The following TTC6 variants were observed in gnomAD, a reference collection of about 807,000 sequenced individuals.
The protein encoded by TTC6 is tetratricopeptide repeat domain 6.
Under a neutral mutation model 210.4 loss-of-function variants are expected in TTC6, and 172 were observed. The observed-to-expected ratio is 0.82, with a 90% confidence interval of 0.72 to 0.93. The LOEUF is 0.93. Ranked by LOEUF, TTC6 falls within the 40% of genes least tolerant of loss-of-function variation. The pLI is 0.00. For missense variants in TTC6, 2,414 were observed against 2,318.1 expected (o/e 1.04, Z -0.85); for synonymous variants, 804 against 819.6 (o/e 0.98, Z 0.32).
At chr14:37,704,440 T>A (rs1398729963) in intron 5 of TTC6, among the ~76,000 whole-genome samples, 2 of 152,148 alleles carry the variant, frequency 1.3e-5, no homozygotes, top group African/African-American at 2.4e-5. Flanking sequence ...CTTGTCAAAC[T>A]ATGATTGTTA....
chr14:37,647,094 C>T lies in TTC6; in HGVS notation c.939+24091C>T, dbSNP rs149186017. Among the ~76,000 whole-genome samples, 783 of 152,314 alleles carry T rather than the reference C, an allele frequency of 5.1e-3. 5 individuals are homozygous for T. The highest frequency in any genetic ancestry group is 0.018 in the African/African-American group (746 of 41,570). On this transcript the variant is annotated intron_variant, in intron 1 of 30. Transcript: ENST00000553443. ...CTAAAAATGCTGTCTCTCTCACCCA[C>T]TGGCCAGAAATTTCTAAATGTTCTC...
At chr14:37,704,196 A>C (rs1345728630) in intron 5 of TTC6, among the ~76,000 whole-genome samples, 2 of 152,126 alleles carry the variant, frequency 1.3e-5, no homozygotes, top group Non-Finnish European at 2.9e-5. Context: ...CTCCCACTTC[A>C]GCCTCCTGAG....
At chr14:37,795,482 C>T (rs1271220522) in intron 18 of TTC6, 130 bp downstream of exon 20, 2 of 526,284 alleles carry the variant, frequency 3.8e-6, no homozygotes, top group Non-Finnish European at 6.3e-6. Context: ...ATTGCCATTT[C>T]CCCACCAGCA....
chr14:37,609,441 A>G (rs1034457155), intron 2 of TTC6, among the ~76,000 whole-genome samples: 12 of 152,056 alleles, frequency 7.9e-5, no homozygotes, highest in African/African-American at 2.9e-4. Flanking sequence ...CAATCAATAA[A>G]CTAGACCTAG....
chr14:37,829,526 A>G (rs1302815433), intron 29 of TTC6, among the ~76,000 whole-genome samples: 1 of 152,036 alleles, frequency 6.6e-6, no homozygotes, highest in Non-Finnish European at 1.5e-5. Context: ...CTCATTCATT[A>G]TTCAATTTTA....
At chr14:37,817,529 A>C (rs746025777) in intron 25 of TTC6, 49 bp from the exon 28 acceptor site, 1 of 1,553,352 alleles carries the variant, frequency 6.4e-7, no homozygotes, top group South Asian at 1.1e-5. Flanking sequence ...TTAAGATAGC[A>C]CATAAAATAA....
chr14:37,841,724 T>G (rs964635198), intron 30 of TTC6, 54 bp downstream of exon 32: 10 of 1,384,658 alleles, frequency 7.2e-6, no homozygotes, highest in Non-Finnish European at 9.9e-6. Flanking sequence ...GTGATTATTT[T>G]TAGGCTACAA....
chr14:37,622,767 G>A (rs766754018), exon 1 of TTC6: 5 of 1,534,854 alleles, frequency 3.3e-6, no homozygotes, highest in Non-Finnish European at 4.4e-6. Flanking sequence ...GAGCGAGAGC[G>A]GGGCCCGCGA....
At chr14:37,755,045 T>C (rs2139060389) in intron 14 of TTC6, among the ~76,000 whole-genome samples, 1 of 152,356 alleles carries the variant, frequency 6.6e-6, no homozygotes, top group South Asian at 2.1e-4. Context: ...GCGTTCCTAC[T>C]TCTCCACACC....
At chr14:37,755,036 C>T (rs542278799) in intron 14 of TTC6, among the ~76,000 whole-genome samples, 11 of 152,274 alleles carry the variant, frequency 7.2e-5, no homozygotes, top group African/African-American at 2.2e-4. Context: ...AGTGTAAAAG[C>T]GTTCCTACTT....
chr14:37,648,853 T>C (rs2095706243), intron 1 of TTC6, among the ~76,000 whole-genome samples: 2 of 152,228 alleles, frequency 1.3e-5, no homozygotes, highest in Admixed American at 6.5e-5. Context: ...AAGTCATTAA[T>C]AGATTATTTC....
chr14:37,622,277 G>C, exon 1 of TTC6: 1 of 1,535,096 alleles, frequency 6.5e-7, no homozygotes, highest in East Asian at 2.5e-5. Flanking sequence ...CCGCAGCCCG[G>C]ACGTCGAGAA....
chr14:37,602,128 C>T (rs2095616753), intron 1 of TTC6, among the ~76,000 whole-genome samples: 1 of 152,250 alleles, frequency 6.6e-6, no homozygotes, highest in East Asian at 1.9e-4. Context: ...GCCTGGGGCT[C>T]TGCGCGCCCG....
At chr14:37,796,679 G>T (rs2096093354) in intron 19 of TTC6, 108 bp from the exon 22 acceptor site, 1 of 1,008,248 alleles carries the variant, frequency 9.9e-7, no homozygotes. Context: ...TTATTGATTT[G>T]TTAATTCATA....
chr14:37,684,955 T>C (rs1241348550), intron 3 of TTC6, among the ~76,000 whole-genome samples: 1 of 152,202 alleles, frequency 6.6e-6, no homozygotes, highest in Non-Finnish European at 1.5e-5. Flanking sequence ...TGGAAGGTCT[T>C]GTTCAGCAGA....
At chr14:37,729,523 C>A (rs1247629978) in intron 7 of TTC6, among the ~76,000 whole-genome samples, 2 of 152,192 alleles carry the variant, frequency 1.3e-5, no homozygotes, top group Non-Finnish European at 1.5e-5. Context: ...GTTGCTAGAG[C>A]AGATGCATTC....
intron 14 of TTC6, among the ~76,000 whole-genome samples, chr14:37,754,231 C>T (rs2095960894): frequency 6.6e-6 from 1 of 152,054 alleles, no homozygotes; most frequent in East Asian, 1.9e-4. Flanking sequence ...GATGCTCTCC[C>T]TCCCCTTGCC....
At chr14:37,631,191 G>A (rs2095669309) in intron 1 of TTC6, among the ~76,000 whole-genome samples, 1 of 151,970 alleles carries the variant, frequency 6.6e-6, no homozygotes, top group South Asian at 2.1e-4. Context: ...AGTTGATGCA[G>A]TTTCTTCATA....
chr14:37,784,318 A>T (rs376095685), intron 14 of TTC6, among the ~76,000 whole-genome samples: 1 of 152,172 alleles, frequency 6.6e-6, no homozygotes, highest in Non-Finnish European at 1.5e-5. Context: ...TATTGGGTAC[A>T]TATATATTTA....
Sources: gnomAD v4.1 joint callset for allele counts (sites outside exome capture counted in the v4.1 genomes callset) on GRCh38, gnomAD v4.1.1 for gene constraint, MANE v1.5 for transcripts, NCBI Gene and HGNC (gene_info 2026-07-23, HGNC 2026-07-21) for gene names.